Variants in TEX9 observed in about 807,000 individuals in gnomAD.
TEX9 encodes testis-expressed protein 9.
In TEX9, 74 loss-of-function variants were observed where a neutral mutation model predicts 59.6. The ratio of observed to expected loss-of-function variants is 1.24; its 90% CI spans 1.03 to 1.51. The LOEUF (loss-of-function observed/expected upper bound fraction) is 1.51. TEX9 is among the 40% of genes most tolerant of loss of function. TEX9 has a pLI of 0.00. For missense variants in TEX9, 522 were observed against 447.8 expected (o/e 1.17, Z -1.49); for synonymous variants, 186 against 152.2 (o/e 1.22, Z -1.64).
chr15:56,259,951 G>C (rs2044226267), intron 1 of TEX9, among the ~76,000 whole-genome samples: 1 of 151,956 alleles, frequency 6.6e-6, no homozygotes, highest in Non-Finnish European at 1.5e-5. Context: ...TTTCACTTTA[G>C]TGATCTTACA....
At chr15:56,400,489 A>C (rs1430807988) in intron 9 of TEX9, among the ~76,000 whole-genome samples, 1 of 152,232 alleles carries the variant, frequency 6.6e-6, no homozygotes, top group Non-Finnish European at 1.5e-5. Flanking sequence ...ACTATGTGAA[A>C]AGACCAAATC....
chr15:56,358,912 C>G (rs1370515586), intron 1 of TEX9, among the ~76,000 whole-genome samples: 3 of 152,136 alleles, frequency 2.0e-5, no homozygotes, highest in Non-Finnish European at 4.4e-5. Context: ...CCACGTAAGA[C>G]ATGCCTGCTT....
intron 2 of TEX9, among the ~76,000 whole-genome samples, chr15:56,370,844 T>C (rs2047160610): frequency 1.3e-5 from 2 of 152,152 alleles, no homozygotes; most frequent in Non-Finnish European, 2.9e-5. Context: ...TGTCATTCTC[T>C]CCTCTTGGGA....
At chr15:56,360,127 TA>T (rs575068920) in intron 1 of TEX9, among the ~76,000 whole-genome samples, 54 of 152,324 alleles carry the variant, frequency 3.5e-4, no homozygotes, top group South Asian at 2.9e-3. Context: ...TGTTGGATTA[TA>T]TTGGCTAAAA....
chr15:56,331,203 G>C (rs181932346), intron 1 of TEX9, among the ~76,000 whole-genome samples: 138 of 152,270 alleles, frequency 9.1e-4, no homozygotes, highest in Non-Finnish European at 1.6e-3. Flanking sequence ...TATAATAATA[G>C]CTGGGGAATT....
In TEX9 at chr15:56,422,510, T is replaced by C. The variant is rs1596231568; in HGVS notation, c.964-5095T>C. 1.3e-5 allele frequency among the ~76,000 whole-genome samples: 2 copies of C among 151,906 alleles called. 1 individual carries two copies. Among genetic ancestry groups the C allele is most frequent in the South Asian group, 4.1e-4 (2 of 4,822 alleles). ...TTTCAGCATTTGTTATATATATGTTTATCACTGTATACCTCCAAGTAATAT... is the reference window on the plus strand; with the variant it reads ...TTTCAGCATTTGTTATATATATGTTCATCACTGTATACCTCCAAGTAATAT... On this transcript the variant is annotated intron_variant, in intron 10 of 12. Transcript: ENST00000352903.
In TEX9 at chr15:56,254,445, C is replaced by T. The variant is rs76004910; in HGVS notation, c.-107+10167C>T. Among the ~76,000 whole-genome samples, 961 of 151,808 alleles carry T rather than the reference C, an allele frequency of 6.3e-3. 9 individuals are homozygous for T. Among genetic ancestry groups the T allele is most frequent in the African/African-American group, 0.021 (850 of 41,396 alleles). On this transcript the variant is annotated intron_variant, in intron 1 of 5. Transcript: ENST00000560827. ...AATTGTCCACAGATTAAGTAGTGAG[C>T]CTGTGGATTCTGAGAGCCAACAGAC...
At chr15:56,296,549 G>A (rs1224238161) in intron 1 of TEX9, among the ~76,000 whole-genome samples, 4 of 151,920 alleles carry the variant, frequency 2.6e-5, no homozygotes, top group African/African-American at 4.8e-5. Context: ...TATCTCTTTC[G>A]GCTACAATAT....
the TEX9 span, among the ~76,000 whole-genome samples, chr15:56,455,550 C>T: frequency 2.6e-5 from 4 of 152,190 alleles, no homozygotes; most frequent in African/African-American, 2.4e-5. Flanking sequence ...TAACAACTAT[C>T]GAAGTAAATT....
intron 1 of TEX9, among the ~76,000 whole-genome samples, chr15:56,359,622 G>T (rs1166578283): frequency 6.6e-6 from 1 of 151,974 alleles, no homozygotes; most frequent in African/African-American, 2.4e-5. Flanking sequence ...ATTAGTTACA[G>T]GAGAGTTTTA....
At chr15:56,286,150 T>A (rs1438934034) in intron 1 of TEX9, among the ~76,000 whole-genome samples, 4 of 152,166 alleles carry the variant, frequency 2.6e-5, no homozygotes, top group African/African-American at 4.8e-5. Context: ...GATCATTGCC[T>A]TAGAGGAGGT....
At chr15:56,333,406 G>GA (rs1272300188) in intron 1 of TEX9, among the ~76,000 whole-genome samples, 63 of 145,134 alleles carry the variant, frequency 4.3e-4, no homozygotes, top group African/African-American at 1.4e-3. Flanking sequence ...CAGAATGAAG[G>GA]AAAAAAAACC....
intron 9 of TEX9, among the ~76,000 whole-genome samples, chr15:56,402,954 T>C (rs1165506145): frequency 1.3e-5 from 2 of 152,182 alleles, no homozygotes; most frequent in African/African-American, 4.8e-5. Context: ...CTAAAAACTT[T>C]CAATAAACTA....
At chr15:56,265,508 T>A (rs2044359860) in intron 1 of TEX9, among the ~76,000 whole-genome samples, 1 of 152,138 alleles carries the variant, frequency 6.6e-6, no homozygotes, top group Non-Finnish European at 1.5e-5. Flanking sequence ...GCTAAAACTT[T>A]CACTATGAGG....
intron 2 of TEX9, among the ~76,000 whole-genome samples, chr15:56,372,320 C>CT (rs1165081795): frequency 8.6e-5 from 13 of 150,974 alleles, no homozygotes; most frequent in East Asian, 7.7e-4. Context: ...ATCTCCCCCC[C>CT]TTTTTTTTTC....
At chr15:56,329,850 A>G (rs2046103957) in intron 1 of TEX9, among the ~76,000 whole-genome samples, 2 of 152,242 alleles carry the variant, frequency 1.3e-5, no homozygotes, top group South Asian at 2.1e-4. Flanking sequence ...AAAGTGAGAA[A>G]GTTTATTTGA....
intron 1 of TEX9, among the ~76,000 whole-genome samples, chr15:56,347,573 C>A (rs2046496185): frequency 6.6e-6 from 1 of 151,398 alleles, no homozygotes; most frequent in South Asian, 2.1e-4. Flanking sequence ...CAAAACAAAA[C>A]AAAAACTTTG....
intron 1 of TEX9, among the ~76,000 whole-genome samples, chr15:56,324,830 T>C (rs2141722311): frequency 6.6e-6 from 1 of 152,288 alleles, no homozygotes; most frequent in East Asian, 1.9e-4. Context: ...GTCAGAAAAG[T>C]GGGGCTTTAG....
intron 12 of TEX9, among the ~76,000 whole-genome samples, chr15:56,444,049 T>A (rs2050865688): frequency 6.6e-6 from 1 of 152,058 alleles, no homozygotes; most frequent in African/African-American, 2.4e-5. Flanking sequence ...ACTGTGATAG[T>A]CTCCTCTAAC....
Sources: allele counts gnomAD v4.1 joint callset (sites outside exome capture counted in the v4.1 genomes callset), GRCh38; gene constraint gnomAD v4.1.1; transcripts MANE v1.5; gene names NCBI Gene and HGNC (gene_info 2026-07-23, HGNC 2026-07-21).